KIF1B: variants seen among roughly 807,000 people sequenced by gnomAD.
KIF1B encodes the protein kinesin family member 1B.
Under a neutral mutation model 241.9 loss-of-function variants are expected in KIF1B, and 76 were observed. That is an observed-to-expected ratio of 0.31 (90% CI 0.26 to 0.38). The LOEUF (loss-of-function observed/expected upper bound fraction) is 0.38, where lower values mean the gene tolerates loss of function less well. KIF1B is among the 10% of genes least tolerant of loss of function. The pLI is 1.00. For missense variants in KIF1B, 1,622 were observed against 2,271.4 expected (o/e 0.71, Z 5.81); for synonymous variants, 750 against 796.7 (o/e 0.94, Z 0.99).
chr1:10,300,470 T>A (rs1650487866), intron 22 of KIF1B, among the ~76,000 whole-genome samples: 1 of 151,800 alleles, frequency 6.6e-6, no homozygotes, highest in Non-Finnish European at 1.5e-5. Flanking sequence ...TTGAGTTGAG[T>A]TCTTTTGGAT....
rs929446698 is a variant in KIF1B, at chr1:10,380,261, C to T, written c.*3674C>T. ...CACAGTGGATTGGAGAGAAAGGATT[C>T]TCCAGTGTGCACACTCATCGGTACT... is the stretch of plus-strand genomic sequence containing the variant. On this transcript the variant is annotated 3_prime_UTR_variant, in exon 49 of 49. Coordinates refer to ENST00000676179, the MANE Select transcript of KIF1B (RefSeq NM_001365951.3). 9.4e-6 allele frequency: 2 copies of T among 212,336 alleles called. No individual in the cohort carries two copies. Among genetic ancestry groups the T allele is most frequent in the East Asian group, 7.1e-5 (1 of 14,166 alleles). 13.2% of individuals were successfully genotyped at this position (212,336 alleles called of 1,614,324 possible).
chr1:10,334,626 C>T lies in KIF1B; in HGVS notation c.3031C>T (p.Gln1011Ter). 1 of 1,612,394 alleles carries T rather than the reference C, an allele frequency of 6.2e-7. No homozygotes were observed. Among genetic ancestry groups the T allele is most frequent in the Non-Finnish European group, 8.5e-7 (1 of 1,178,456 alleles). The change falls in exon 28 of 49, where the codon CAG (glutamine) becomes TAG (stop). Residue 1011 changes from glutamine to a stop codon, truncating the protein, a stop_gained. Transcript: ENST00000676179. LOFTEE classifies it high-confidence loss of function. Reference protein sequence around the residue: ...EVRGFLRVAVQAIAADEEAPD... With the variant: ...EVRGFLRVAV Reference sequence around the variant, plus strand: ...GCGGGGATTTCTGCGTGTGGCTGTACAGGCCATCGCAGGTAGGTGACCCTC... The same window carrying T: ...GCGGGGATTTCTGCGTGTGGCTGTATAGGCCATCGCAGGTAGGTGACCCTC...
chr1:10,259,502 A>G (rs1417617170), intron 4 of KIF1B, among the ~76,000 whole-genome samples: 1 of 150,380 alleles, frequency 6.6e-6, no homozygotes, highest in Non-Finnish European at 1.5e-5. Flanking sequence ...AAAAAAAAAA[A>G]AAATTTTTTT....
chr1:10,360,925 T>G lies in KIF1B; in HGVS notation c.4056-4T>G. On this transcript the variant is annotated splice_polypyrimidine_tract_variant and splice_region_variant and intron_variant, in intron 38 of 48. Transcript: ENST00000676179. ...ATGATTCCCTCTTGTCTTTCTGACCTTAGGACCTTCTACCGCTTTGAGGCT... is the reference window on the plus strand; with the variant it reads ...ATGATTCCCTCTTGTCTTTCTGACCGTAGGACCTTCTACCGCTTTGAGGCT... 1 of 1,603,492 alleles carries G rather than the reference T, an allele frequency of 6.2e-7. No individual in the cohort carries two copies. The highest frequency in any genetic ancestry group is 8.5e-7 in the Non-Finnish European group (1 of 1,170,366).
intron 22 of KIF1B, among the ~76,000 whole-genome samples, chr1:10,311,682 A>C (rs1165428238): frequency 2.0e-5 from 3 of 151,240 alleles, no homozygotes; most frequent in Non-Finnish European, 4.4e-5. Flanking sequence ...TGTCTCTGGC[A>C]TTTGACACAG....
At chr1:10,265,200 TTTTATTTATTTA>T (rs148747154) in intron 5 of KIF1B, among the ~76,000 whole-genome samples, 5,248 of 138,470 alleles carry the variant, frequency 0.038, 281 homozygotes, top group African/African-American at 0.12. Context: ...TTAAAATGGA[TTTTATTTATTTA>T]TTTATTTATT....
chr1:10,215,550 G>GT lies in KIF1B; in HGVS notation c.-80+4679dup, dbSNP rs1308785135. 4.0e-5 allele frequency among the ~76,000 whole-genome samples: 6 copies of GT among 150,070 alleles called. No individual in the cohort carries two copies. The South Asian group carries it at 6.3e-4, about 16-fold the overall frequency. On this transcript the variant is annotated intron_variant, in intron 1 of 48. Transcript: ENST00000676179. ...ACCATACTACCCTCTACCATTGCCC[G>GT]TTTTTTTCCCCTTGAGACAGGCTCT...
At chr1:10,295,833 C>T (rs918071332) in intron 19 of KIF1B, 67 bp downstream of exon 19, 89 of 1,303,694 alleles carry the variant, frequency 6.8e-5, no homozygotes, top group Middle Eastern at 2.4e-4. Context: ...ATCCTTAAGA[C>T]TTTGTATTCT....
intron 38 of KIF1B, among the ~76,000 whole-genome samples, chr1:10,354,169 T>G (rs147205752): frequency 2.1e-3 from 323 of 152,306 alleles, no homozygotes; most frequent in African/African-American, 7.1e-3. Context: ...TGAGTTAGAA[T>G]GAGTTCATCA....
rs574674454 is a variant in KIF1B at position 10,314,893 on chromosome 1, A to G, written c.2116-5150A>G. Among the ~76,000 whole-genome samples, 5 of 151,672 alleles carry G rather than the reference A, an allele frequency of 3.3e-5. No homozygotes were observed. In the East Asian group the frequency reaches 9.6e-4, roughly 29 times the overall value. ...AGCCTGTCAACTTATTCTTGAAGAA[A>G]TCCTCAAGATAAAGTATTAACATTT... On this transcript the variant is annotated intron_variant, in intron 22 of 48. Coordinates refer to ENST00000676179, the MANE Select transcript of KIF1B (RefSeq NM_001365951.3).
At chr1:10,343,021 A>C (rs189233097) in intron 33 of KIF1B, among the ~76,000 whole-genome samples, 1 of 152,348 alleles carries the variant, frequency 6.6e-6, no homozygotes, top group East Asian at 1.9e-4. Context: ...CGTGGAAGTC[A>C]AACAGTTTCT....
At chr1:10,220,401 A>AGATAGATAGATAGATAGATAGAT (rs1571087403) in intron 1 of KIF1B, among the ~76,000 whole-genome samples, 38 of 54,730 alleles carry the variant, frequency 6.9e-4, no homozygotes, top group East Asian at 4.7e-3. Flanking sequence ...GATAGATGAT[A>AGATAGATAGATAGATAGATAGAT]GATAGATAGA....
chr1:10,306,488 A>G (rs749083673), intron 22 of KIF1B: 15 of 916,922 alleles, frequency 1.6e-5, no homozygotes, highest in Non-Finnish European at 2.0e-5. Context: ...GCACATGCGT[A>G]CAGCCCCAGC....
chr1:10,240,272 G>C (rs1264151253), intron 2 of KIF1B, among the ~76,000 whole-genome samples: 2 of 150,550 alleles, frequency 1.3e-5, no homozygotes, highest in Admixed American at 1.3e-4. Context: ...GCAGTGGTGC[G>C]ATCTGAGCTC....
intron 5 of KIF1B, among the ~76,000 whole-genome samples, chr1:10,264,455 G>A (rs183384187): frequency 9.9e-4 from 150 of 152,240 alleles, no homozygotes; most frequent in African/African-American, 3.4e-3. Context: ...AGATTATTTG[G>A]GTTCTCTTTG....
chr1:10,345,810 A>G, intron 34 of KIF1B, 35 bp from the exon 35 acceptor site: 1 of 1,516,818 alleles, frequency 6.6e-7, no homozygotes, highest in East Asian at 2.3e-5. Flanking sequence ...GTAGTCTTGG[A>G]CCAGATTTTG....
chr1:10,304,583 C>T (rs1366344415), intron 22 of KIF1B: 1 of 1,613,986 alleles, frequency 6.2e-7, no homozygotes, highest in African/African-American at 1.3e-5. Context: ...TTTGTGACAC[C>T]TCCGCGGATG....
intron 5 of KIF1B, among the ~76,000 whole-genome samples, chr1:10,266,973 T>C (rs1648497034): frequency 6.6e-6 from 1 of 152,166 alleles, no homozygotes; most frequent in African/African-American, 2.4e-5. Flanking sequence ...AAAAAAATTT[T>C]TTTTCTGTAT....
intron 22 of KIF1B, chr1:10,307,885 A>G: frequency 6.7e-6 from 7 of 1,048,654 alleles, no homozygotes; most frequent in Non-Finnish European, 6.9e-6. Context: ...ACCAAAGGGC[A>G]TTTTCTTTAT....
Sources: allele counts gnomAD v4.1 joint callset (sites outside exome capture counted in the v4.1 genomes callset), GRCh38; gene constraint gnomAD v4.1.1; transcripts MANE v1.5; gene names NCBI Gene and HGNC (gene_info 2026-07-23, HGNC 2026-07-21).